CHCHD3: variants seen among roughly 807,000 people sequenced by gnomAD.
CHCHD3 encodes the protein MICOS complex subunit MIC19.
A neutral mutation model predicts 38.2 loss-of-function variants in CHCHD3; 20 were observed. That is an observed-to-expected ratio of 0.52 (90% confidence interval 0.37 to 0.76). The LOEUF (loss-of-function observed/expected upper bound fraction) is 0.76. CHCHD3 is among the 30% of genes least tolerant of loss of function. CHCHD3 has a pLI of 0.00. For missense variants in CHCHD3, 245 were observed against 279.2 expected (o/e 0.88, Z 0.87); for synonymous variants, 82 against 100.0 (o/e 0.82, Z 1.07).
In CHCHD3 at chr7:133,034,663, C is replaced by A. The variant is rs1274397619; in HGVS notation, c.170-10036G>T. 3 of 1,612,984 alleles carry A rather than the reference C, an allele frequency of 1.9e-6. No individual in the cohort carries two copies. The African/African-American group carries it at 4.0e-5, about 22-fold the overall frequency. On this transcript the variant is annotated intron_variant, in intron 2 of 7. Coordinates refer to ENST00000262570, the MANE Select transcript of CHCHD3 (RefSeq NM_017812.4). ...TTGCCCACATGCTGGAAGGCCCCCTCCCAGGAAAAGTACTCTCGAACCAGC... is the reference window on the plus strand; with the variant it reads ...TTGCCCACATGCTGGAAGGCCCCCTACCAGGAAAAGTACTCTCGAACCAGC...
At chr7:133,052,051 A>G (rs1197119066) in intron 2 of CHCHD3, 1 of 152,254 alleles carries the variant, frequency 6.6e-6, no homozygotes, top group Admixed American at 6.5e-5. Flanking sequence ...ATCCAATACC[A>G]TGCCAATTTA....
At position 132,923,318 on chromosome 7, in the gene CHCHD3, G is replaced by A. The variant is rs576034511; in HGVS notation, c.370-37573C>T. ...AATGTCTATGTGTTTCAGCACAGTT[G>A]GATAAAGTATGGCTGTCTATTTATA... On this transcript the variant is annotated intron_variant, in intron 4 of 7. Coordinates refer to ENST00000262570, the MANE Select transcript of CHCHD3 (RefSeq NM_017812.4). Among the ~76,000 whole-genome samples, 5 of 152,208 alleles carry A rather than the reference G, an allele frequency of 3.3e-5. No homozygotes were observed. In the East Asian group the frequency reaches 9.7e-4, roughly 29 times the overall value.
chr7:132,943,225 A>G (rs2117274038), intron 4 of CHCHD3, among the ~76,000 whole-genome samples: 1 of 152,320 alleles, frequency 6.6e-6, no homozygotes, highest in Admixed American at 6.5e-5. Flanking sequence ...ATGCTTAATG[A>G]AAAGAGACTA....
chr7:132,955,540 T>C (rs1346674688), intron 4 of CHCHD3, among the ~76,000 whole-genome samples: 2 of 148,714 alleles, frequency 1.3e-5, no homozygotes, highest in Non-Finnish European at 3.0e-5. Flanking sequence ...TTGGGGTTTT[T>C]TGTTTTTTTT....
In CHCHD3 at chr7:132,959,244, T is replaced by C. The variant is rs1811253074; in HGVS notation, c.369+15925A>G. Among the ~76,000 whole-genome samples, 3 of 152,346 alleles carry C rather than the reference T, an allele frequency of 2.0e-5. No homozygotes were observed. In the East Asian group the frequency reaches 5.8e-4, roughly 29 times the overall value. Reference sequence around the variant, plus strand: ...TACTCACATTCCAGAAACTTTCACCTGCAAAGTATGTATTACAAATCTAGA... The same window carrying C: ...TACTCACATTCCAGAAACTTTCACCCGCAAAGTATGTATTACAAATCTAGA... On this transcript the variant is annotated intron_variant, in intron 4 of 7. Coordinates refer to ENST00000262570, the MANE Select transcript of CHCHD3 (RefSeq NM_017812.4).
Position 132,785,660 on chromosome 7 carries a change from T to G in CHCHD3, c.661A>C (p.Ser221Arg), listed in dbSNP as rs769457001. 2 of 1,614,002 alleles carry G rather than the reference T, an allele frequency of 1.2e-6. No homozygotes were observed. The highest frequency in any genetic ancestry group is 2.2e-5 in the East Asian group (1 of 44,860). ...TTTTATCCTCCCTTCTCAAGCATGCTCTGCAAGAAAAACAGAAAGAGTAAG... is the reference window on the plus strand; with the variant it reads ...TTTTATCCTCCCTTCTCAAGCATGCGCTGCAAGAAAAACAGAAAGAGTAAG... ...YMHCVNHAKQ[S>R]MLEKGG The change falls in exon 8 of 8, where the codon AGC becomes CGC. Residue 221 changes from serine to arginine, a missense_variant and splice_region_variant. Transcript: ENST00000262570.
At chr7:133,008,965 A>G (rs1274795687) in intron 3 of CHCHD3, among the ~76,000 whole-genome samples, 8 of 128,074 alleles carry the variant, frequency 6.2e-5, no homozygotes, top group Non-Finnish European at 1.3e-4. Flanking sequence ...AAAAACAAAA[A>G]AGACCAAAAA....
At chr7:132,855,131 A>T (rs1034528540) in intron 5 of CHCHD3, among the ~76,000 whole-genome samples, 3 of 152,226 alleles carry the variant, frequency 2.0e-5, no homozygotes, top group African/African-American at 7.2e-5. Context: ...GAAATAAATC[A>T]GTCCCTAAGT....
At chr7:132,913,346 T>C (rs1048810556) in intron 4 of CHCHD3, among the ~76,000 whole-genome samples, 2 of 152,058 alleles carry the variant, frequency 1.3e-5, no homozygotes, top group African/African-American at 2.4e-5. Flanking sequence ...AAGGGAGGCA[T>C]GGAACTTTAG....
At chr7:132,964,609 T>C (rs1306855193) in intron 4 of CHCHD3, among the ~76,000 whole-genome samples, 3 of 152,128 alleles carry the variant, frequency 2.0e-5, no homozygotes, top group African/African-American at 7.2e-5. Flanking sequence ...TTTCTGCCTT[T>C]ATATACTAGT....
At chr7:133,056,318 A>G (rs1161553621) in intron 2 of CHCHD3, among the ~76,000 whole-genome samples, 1 of 152,102 alleles carries the variant, frequency 6.6e-6, no homozygotes, top group African/African-American at 2.4e-5. Flanking sequence ...GCCCTTTATG[A>G]CTGTAACCAA....
chr7:132,969,141 CT>C (rs74313531), intron 4 of CHCHD3, among the ~76,000 whole-genome samples: 141 of 139,680 alleles, frequency 1.0e-3, no homozygotes, highest in East Asian at 4.5e-3. Flanking sequence ...TTCACCCATC[CT>C]TTTTTTTTTT....
At chr7:132,849,314 A>G (rs1808158295) in intron 5 of CHCHD3, 1 of 152,212 alleles carries the variant, frequency 6.6e-6, no homozygotes, top group Non-Finnish European at 1.5e-5. Flanking sequence ...CTGCATCTCC[A>G]TGTATCTAAC....
chr7:132,978,288 C>T (rs986297027), intron 3 of CHCHD3, among the ~76,000 whole-genome samples: 2 of 152,110 alleles, frequency 1.3e-5, no homozygotes, highest in Admixed American at 6.5e-5. Context: ...TCATCTTTTC[C>T]AATTTTTCAC....
At chr7:133,007,133 C>A (rs1455907006) in intron 3 of CHCHD3, among the ~76,000 whole-genome samples, 1 of 152,162 alleles carries the variant, frequency 6.6e-6, no homozygotes, top group Non-Finnish European at 1.5e-5. Context: ...TTATTACTAT[C>A]ATGTGCCTTG....
intron 5 of CHCHD3, among the ~76,000 whole-genome samples, chr7:132,844,384 T>G (rs746208841): frequency 7.2e-5 from 11 of 152,234 alleles, no homozygotes; most frequent in Middle Eastern, 6.3e-3. Flanking sequence ...AATCATTTTT[T>G]TGTGTGTAAC....
intron 3 of CHCHD3, among the ~76,000 whole-genome samples, chr7:132,984,936 C>T (rs568577782): frequency 5.4e-5 from 4 of 74,648 alleles, no homozygotes; most frequent in South Asian, 4.7e-4. Flanking sequence ...CCGCCCCGTC[C>T]GGGAGGTGAG....
chr7:132,955,542 GTT>G (rs112242604), intron 4 of CHCHD3, among the ~76,000 whole-genome samples: 1 of 135,872 alleles, frequency 7.4e-6, no homozygotes, highest in Non-Finnish European at 1.6e-5. Context: ...GGGGTTTTTT[GTT>G]TTTTTTTTTT....
chr7:132,902,500 G>T (rs1429809077), intron 4 of CHCHD3, among the ~76,000 whole-genome samples: 1 of 152,180 alleles, frequency 6.6e-6, no homozygotes, highest in African/African-American at 2.4e-5. Flanking sequence ...AAAAAATGAT[G>T]AGTTCATGTC....
Sources: gnomAD v4.1 joint callset for allele counts (sites outside exome capture counted in the v4.1 genomes callset) on GRCh38, gnomAD v4.1.1 for gene constraint, MANE v1.5 for transcripts, NCBI Gene and HGNC (gene_info 2026-07-23, HGNC 2026-07-21) for gene names.